THSD4: variants seen among roughly 807,000 people sequenced by gnomAD.
THSD4 encodes the protein thrombospondin type 1 domain containing 4.
Under a neutral mutation model 119.0 loss-of-function variants are expected in THSD4, and 69 were observed. The observed-to-expected ratio is 0.58, with a 90% CI of 0.48 to 0.71. The LOEUF (loss-of-function observed/expected upper bound fraction) is 0.71, where lower values mean the gene tolerates loss of function less well. THSD4 is among the 30% of genes least tolerant of loss of function. The pLI is 0.00. For missense variants in THSD4, 1,393 were observed against 1,391.1 expected, an observed-to-expected ratio of 1.00 and a Z score of -0.02; for synonymous variants, 524 against 540.4, an observed-to-expected ratio of 0.97 and a Z score of 0.42.
chr15:71,652,155 GT>G (rs1006722599), intron 7 of THSD4, among the ~76,000 whole-genome samples: 1 of 152,140 alleles, frequency 6.6e-6, no homozygotes, highest in African/African-American at 2.4e-5. Flanking sequence ...GCCTTATAGG[GT>G]GTAGGCAGTG....
At chr15:71,366,795 C>A (rs191988700) in intron 6 of THSD4, among the ~76,000 whole-genome samples, 1 of 152,312 alleles carries the variant, frequency 6.6e-6, no homozygotes, top group Non-Finnish European at 1.5e-5. Flanking sequence ...ACTGGACACC[C>A]AATCTTTTAG....
At chr15:71,389,590 A>G (rs1458649000) in intron 6 of THSD4, among the ~76,000 whole-genome samples, 3 of 151,658 alleles carry the variant, frequency 2.0e-5, no homozygotes, top group East Asian at 1.9e-4. Flanking sequence ...TGATGTTCCT[A>G]TGAATGTGAG....
At chr15:71,118,920 G>C (rs556649707) in intron 1 of THSD4, among the ~76,000 whole-genome samples, 1 of 152,312 alleles carries the variant, frequency 6.6e-6, no homozygotes, top group South Asian at 2.1e-4. Context: ...GCTGTGCTGA[G>C]GCTGGGACAC....
At chr15:71,759,474 A>C (rs2053596132) in intron 15 of THSD4, among the ~76,000 whole-genome samples, 1 of 152,238 alleles carries the variant, frequency 6.6e-6, no homozygotes, top group Non-Finnish European at 1.5e-5. Context: ...ATACATAAAG[A>C]GAATTACCCA....
intron 2 of THSD4, among the ~76,000 whole-genome samples, chr15:71,148,812 G>A (rs1022098362): frequency 1.3e-5 from 2 of 152,184 alleles, no homozygotes; most frequent in South Asian, 2.1e-4. Flanking sequence ...GGGTCTGACC[G>A]CCTGTGTTAG....
At chr15:71,295,500 G>A (rs745479805) in intron 6 of THSD4, among the ~76,000 whole-genome samples, 25 of 152,140 alleles carry the variant, frequency 1.6e-4, no homozygotes, top group Non-Finnish European at 2.2e-4. Flanking sequence ...ATCTCCTAGC[G>A]TTCCATTTCC....
chr15:71,165,606 T>C (rs915658417), intron 3 of THSD4, among the ~76,000 whole-genome samples: 2 of 152,188 alleles, frequency 1.3e-5, no homozygotes, highest in African/African-American at 4.8e-5. Context: ...GGGAATGGTA[T>C]GTTGACTTTG....
intron 3 of THSD4, among the ~76,000 whole-genome samples, chr15:71,156,987 A>G (rs1167334419): frequency 6.6e-6 from 1 of 152,210 alleles, no homozygotes; most frequent in Non-Finnish European, 1.5e-5. Flanking sequence ...TATTCATAAT[A>G]TCAGGAGTCA....
chr15:71,777,417 CG>C lies in THSD4; in HGVS notation c.*48del. On this transcript the variant is annotated 3_prime_UTR_variant, in exon 18 of 18. Coordinates refer to ENST00000261862, the MANE Select transcript of THSD4 (RefSeq NM_024817.3). Reference sequence around the variant, plus strand: ...CAGTAGGGCAGCATCACTGCCTTCCCGGGGGCTTCAGCAGTGCGCCTGGCTG... The same window carrying C: ...CAGTAGGGCAGCATCACTGCCTTCCCGGGGCTTCAGCAGTGCGCCTGGCTG... The C allele has an allele frequency of 6.3e-7, 1 of 1,587,734 alleles. No individual in the cohort carries two copies. The highest frequency in any genetic ancestry group is 8.6e-7 in the Non-Finnish European group (1 of 1,169,128).
intron 6 of THSD4, among the ~76,000 whole-genome samples, chr15:71,378,357 G>T (rs1170049675): frequency 6.6e-6 from 1 of 152,136 alleles, no homozygotes. Context: ...ATGAATGAGG[G>T]GTGGAGGCTT....
intron 4 of THSD4, 34 bp downstream of exon 4, chr15:71,215,433 T>A: frequency 6.7e-7 from 1 of 1,483,802 alleles, no homozygotes; most frequent in Non-Finnish European, 8.9e-7. Context: ...CCGCTCCCCG[T>A]CCCTGTCCCA....
At chr15:71,209,413 T>G (rs899024235) in intron 3 of THSD4, among the ~76,000 whole-genome samples, 12 of 152,224 alleles carry the variant, frequency 7.9e-5, no homozygotes, top group Admixed American at 7.9e-4. Context: ...ATGAATCTTG[T>G]GAGTATCAGA....
intron 7 of THSD4, among the ~76,000 whole-genome samples, chr15:71,582,932 C>A (rs1034373390): frequency 6.6e-6 from 1 of 152,008 alleles, no homozygotes; most frequent in African/African-American, 2.4e-5. Flanking sequence ...AATATCGATG[C>A]TGGCCTTATA....
chr15:71,750,170 C>T lies in THSD4; in HGVS notation c.2415+1576C>T, dbSNP rs1453039284. 2.0e-5 allele frequency among the ~76,000 whole-genome samples: 3 copies of T among 152,134 alleles called. No homozygotes were observed. The East Asian group carries it at 5.8e-4, about 29-fold the overall frequency. ...AGGAGACACGATGCAGCCCATGAGC[C>T]CCCACCCCGTCCCCACTCCCAGCAT... On this transcript the variant is annotated intron_variant, in intron 14 of 17. Transcript: ENST00000261862.
chr15:71,578,146 T>C (rs1015696321), intron 7 of THSD4, among the ~76,000 whole-genome samples: 17 of 149,216 alleles, frequency 1.1e-4, no homozygotes, highest in African/African-American at 4.2e-4. Flanking sequence ...ACATTATATC[T>C]ATCTATATAG....
chr15:71,588,142 T>C (rs1265636736), intron 7 of THSD4, among the ~76,000 whole-genome samples: 1 of 151,604 alleles, frequency 6.6e-6, no homozygotes, highest in Non-Finnish European at 1.5e-5. Flanking sequence ...CCGTCTCTAC[T>C]AAAAATACAA....
chr15:71,305,684 T>G (rs976130350), intron 6 of THSD4, among the ~76,000 whole-genome samples: 5 of 152,196 alleles, frequency 3.3e-5, no homozygotes, highest in Admixed American at 3.3e-4. Context: ...TTATCACCCT[T>G]CCTAGAAAGG....
chr15:71,774,715 G>A (rs1035976115), intron 17 of THSD4, among the ~76,000 whole-genome samples: 1 of 151,648 alleles, frequency 6.6e-6, no homozygotes, highest in Admixed American at 6.6e-5. Context: ...AACCCGAACT[G>A]TGGCTGCCCC....
intron 16 of THSD4, among the ~76,000 whole-genome samples, chr15:71,765,451 C>A (rs2053699270): frequency 6.6e-6 from 1 of 152,208 alleles, no homozygotes; most frequent in South Asian, 2.1e-4. Context: ...TAGGAATCAT[C>A]TGAGGATCTT....
Sources: gnomAD v4.1 joint callset for allele counts (sites outside exome capture counted in the v4.1 genomes callset) on GRCh38, gnomAD v4.1.1 for gene constraint, MANE v1.5 for transcripts, NCBI Gene and HGNC (gene_info 2026-07-23, HGNC 2026-07-21) for gene names.